MYO1D: variants seen among roughly 807,000 people sequenced by gnomAD.
The protein encoded by MYO1D is unconventional myosin-Id.
MYO1D carries 83 observed loss-of-function variants against 122.0 expected under a neutral mutation model. The ratio of observed to expected loss-of-function variants is 0.68; its 90% CI spans 0.57 to 0.82. The LOEUF is 0.82. MYO1D is among the 40% of genes least tolerant of loss of function. The pLI, the probability that MYO1D is intolerant of heterozygous loss-of-function variation, is 0.00. For missense variants in MYO1D, 1,157 were observed against 1,269.5 expected (o/e 0.91, Z 1.35); for synonymous variants, 464 against 446.9 (o/e 1.04, Z -0.48).
intron 21 of MYO1D, among the ~76,000 whole-genome samples, chr17:32,575,236 C>G (rs2087268073): frequency 6.6e-6 from 1 of 152,156 alleles, no homozygotes; most frequent in Non-Finnish European, 1.5e-5. Context: ...ACTTTTGGCC[C>G]AGCCAAACGT....
At chr17:32,785,858 T>A (rs895588689) in intron 1 of MYO1D, among the ~76,000 whole-genome samples, 1 of 152,172 alleles carries the variant, frequency 6.6e-6, no homozygotes, top group Non-Finnish European at 1.5e-5. Context: ...CATTCAAGGG[T>A]CTTCCATTTA....
intron 21 of MYO1D, among the ~76,000 whole-genome samples, chr17:32,589,212 G>T (rs1460096173): frequency 2.0e-5 from 3 of 152,212 alleles, no homozygotes. Flanking sequence ...CAGACCTGGG[G>T]CTTGGATGTT....
intron 1 of MYO1D, among the ~76,000 whole-genome samples, chr17:32,845,308 A>G (rs2090926078): frequency 6.6e-6 from 1 of 152,234 alleles, no homozygotes; most frequent in Non-Finnish European, 1.5e-5. Context: ...TATTCACTCA[A>G]TAGCCTCTAG....
intron 21 of MYO1D, among the ~76,000 whole-genome samples, chr17:32,525,362 G>A (rs950545944): frequency 1.3e-5 from 2 of 152,122 alleles, no homozygotes; most frequent in African/African-American, 4.8e-5. Flanking sequence ...TCGCCACATG[G>A]CATGCAGCTG....
At chr17:32,524,392 CTTTTTCTTTT>C (rs1287129235) in intron 21 of MYO1D, among the ~76,000 whole-genome samples, 2 of 151,944 alleles carry the variant, frequency 1.3e-5, no homozygotes, top group Non-Finnish European at 2.9e-5. Context: ...CATTTCATTA[CTTTTTCTTTT>C]TTTTTCTTTG....
At chr17:32,657,769 T>C (rs1216360289) in intron 17 of MYO1D, among the ~76,000 whole-genome samples, 1 of 152,244 alleles carries the variant, frequency 6.6e-6, no homozygotes, top group Non-Finnish European at 1.5e-5. Context: ...AATGAGTACA[T>C]TGAATTTTGT....
chr17:32,501,112 C>G (rs1306182328), intron 21 of MYO1D, among the ~76,000 whole-genome samples: 2 of 152,044 alleles, frequency 1.3e-5, no homozygotes, highest in Admixed American at 6.6e-5. Flanking sequence ...GGTATATACC[C>G]AAAAGAACTG....
chr17:32,500,901 C>A (rs1380147140), intron 21 of MYO1D, among the ~76,000 whole-genome samples: 2 of 151,178 alleles, frequency 1.3e-5, no homozygotes, highest in Non-Finnish European at 2.9e-5. Context: ...CCCAGCTACT[C>A]GGGAGGCTGA....
intron 19 of MYO1D, among the ~76,000 whole-genome samples, chr17:32,649,944 A>G (rs965242065): frequency 6.6e-6 from 1 of 152,158 alleles, no homozygotes; most frequent in African/African-American, 2.4e-5. Context: ...GTTATTATGA[A>G]TTATGCTGCC....
At chr17:32,599,246 G>A (rs139293303) in intron 21 of MYO1D, among the ~76,000 whole-genome samples, 6 of 152,240 alleles carry the variant, frequency 3.9e-5, no homozygotes, top group African/African-American at 7.2e-5. Flanking sequence ...TTTCAACAAC[G>A]TTAACAGCAT....
In MYO1D at chr17:32,767,606, C is replaced by G. The variant is rs759043852; in HGVS notation, c.831+30G>C. 11 of 1,411,308 alleles carry G rather than the reference C, an allele frequency of 7.8e-6. No individual in the cohort carries two copies. In the South Asian group the frequency reaches 1.3e-4, roughly 17 times the overall value. The allele number at this position is 1,411,308 out of a possible 1,614,324, so 87.4% of individuals were successfully genotyped here. A position where few individuals can be genotyped will look rare whatever the true frequency, so the allele number is the denominator to read the frequency against. On this transcript the variant is annotated intron_variant, in intron 7 of 21. Coordinates refer to ENST00000318217, the MANE Select transcript of MYO1D (RefSeq NM_015194.3). ...AAAGCATCCTGTTCTCAGCAGAAGACAATACATTCTGAGAGGTGTCCCTAC... is the reference window on the plus strand; with the variant it reads ...AAAGCATCCTGTTCTCAGCAGAAGAGAATACATTCTGAGAGGTGTCCCTAC...
intron 11 of MYO1D, among the ~76,000 whole-genome samples, chr17:32,751,106 T>A (rs772863434): frequency 1.2e-4 from 18 of 152,136 alleles, no homozygotes; most frequent in Non-Finnish European, 2.5e-4. Flanking sequence ...TATGTATTTA[T>A]CATTTAACTT....
At chr17:32,727,087 G>A (rs921686830) in intron 14 of MYO1D, among the ~76,000 whole-genome samples, 134 of 152,322 alleles carry the variant, frequency 8.8e-4, no homozygotes, top group African/African-American at 3.2e-3. Context: ...CAACACCAGT[G>A]GAGGGGAAAG....
intron 21 of MYO1D, among the ~76,000 whole-genome samples, chr17:32,535,486 G>A (rs1334019048): frequency 1.3e-5 from 2 of 152,194 alleles, no homozygotes; most frequent in Non-Finnish European, 2.9e-5. Flanking sequence ...GGTGGCTCAC[G>A]CCTATAATCC....
chr17:32,730,878 A>G (rs1163620024), intron 14 of MYO1D, among the ~76,000 whole-genome samples: 1 of 140,238 alleles, frequency 7.1e-6, no homozygotes, highest in African/African-American at 2.6e-5. Flanking sequence ...TACATGTTTG[A>G]CCACTTTATT....
At position 32,780,570 on chromosome 17, in the gene MYO1D, A is replaced by C. The variant is rs375979305; in HGVS notation, c.304+6T>G. 6.2e-7 allele frequency: 1 copy of C among 1,613,140 alleles called. No homozygotes were observed. Among genetic ancestry groups the C allele is most frequent in the South Asian group, 1.1e-5 (1 of 91,072 alleles). ...TTTGGAAATACAGGGGATCCCCTCC[A>C]ATTACCTGATATCACAATACAAGTG... is the stretch of plus-strand genomic sequence containing the variant. On this transcript the variant is annotated splice_donor_region_variant and intron_variant, in intron 2 of 21. Transcript: ENST00000318217.
intron 16 of MYO1D, among the ~76,000 whole-genome samples, chr17:32,696,381 AC>A (rs2089174198): frequency 6.6e-6 from 1 of 152,204 alleles, no homozygotes; most frequent in Non-Finnish European, 1.5e-5. Flanking sequence ...GGAAAAAAAA[AC>A]AACTTGCAGA....
chr17:32,668,073 T>G (rs187863966), intron 16 of MYO1D, among the ~76,000 whole-genome samples: 1 of 152,334 alleles, frequency 6.6e-6, no homozygotes, highest in East Asian at 1.9e-4. Context: ...TTGTAAACAC[T>G]CTGTGGAGCT....
At chr17:32,640,000 G>C (rs1369038001) in intron 19 of MYO1D, among the ~76,000 whole-genome samples, 1 of 152,118 alleles carries the variant, frequency 6.6e-6, no homozygotes, top group Non-Finnish European at 1.5e-5. Flanking sequence ...AGGATATATT[G>C]CTATAGGGAG....
Sources: allele counts gnomAD v4.1 joint callset (sites outside exome capture counted in the v4.1 genomes callset), GRCh38; gene constraint gnomAD v4.1.1; transcripts MANE v1.5; gene names NCBI Gene and HGNC (gene_info 2026-07-23, HGNC 2026-07-21).